Variants in SCP2 observed in about 807,000 individuals in gnomAD.
SCP2 encodes sterol carrier protein 2, also known as SCP-2/3-oxoacyl-CoA thiolase.
Under a neutral mutation model 71.4 loss-of-function variants are expected in SCP2, and 48 were observed. That is an observed-to-expected ratio of 0.67 (90% CI 0.53 to 0.86). The LOEUF (loss-of-function observed/expected upper bound fraction) is 0.86. Ranked by LOEUF, SCP2 falls within the 40% of genes least tolerant of loss-of-function variation. The probability of loss-of-function intolerance (pLI) is 0.00; values close to 1 mark genes in which losing one functional copy is unlikely to be tolerated. For missense variants in SCP2, 560 were observed against 655.6 expected (o/e 0.85, Z 1.59); for synonymous variants, 220 against 218.1 (o/e 1.01, Z -0.08).
At chr1:53,018,571 C>T (rs1411655640) in intron 12 of SCP2, among the ~76,000 whole-genome samples, 1 of 151,728 alleles carries the variant, frequency 6.6e-6, no homozygotes, top group Non-Finnish European at 1.5e-5. Flanking sequence ...GCGAAACCCC[C>T]TCTCTACTAA....
intron 13 of SCP2, among the ~76,000 whole-genome samples, chr1:53,035,704 T>TAGC (rs75854712): frequency 0.098 from 14,943 of 152,096 alleles, 1,451 homozygotes; most frequent in African/African-American, 0.22. Context: ...GGCACAGAAA[T>TAGC]AGCTAGATCA....
intron 6 of SCP2, among the ~76,000 whole-genome samples, chr1:52,967,619 C>G (rs967523170): frequency 1.3e-5 from 2 of 152,086 alleles, no homozygotes; most frequent in African/African-American, 4.8e-5. Context: ...TGGGATTGAA[C>G]AAAGGGGGAC....
At chr1:52,938,906 C>T (rs1253535704) in intron 1 of SCP2, among the ~76,000 whole-genome samples, 1 of 152,166 alleles carries the variant, frequency 6.6e-6, no homozygotes, top group Non-Finnish European at 1.5e-5. Context: ...TAGGATCATA[C>T]AGAATAGTTT....
At chr1:52,966,708 A>T (rs907815589) in intron 6 of SCP2, among the ~76,000 whole-genome samples, 2 of 148,978 alleles carry the variant, frequency 1.3e-5, no homozygotes, top group African/African-American at 5.0e-5. Context: ...ACATGGCGAA[A>T]CCCCATTTCT....
chr1:52,961,761 C>A, intron 6 of SCP2, 132 bp downstream of exon 6: 1 of 803,006 alleles, frequency 1.2e-6, no homozygotes, highest in Non-Finnish European at 2.0e-6. Flanking sequence ...TGAATTAAAT[C>A]GAAGTAATAG....
chr1:53,051,518 A>G lies in SCP2; in HGVS notation c.*814A>G, dbSNP rs1258632354. On this transcript the variant is annotated 3_prime_UTR_variant, in exon 16 of 16. Transcript: ENST00000371514. The stretch of plus-strand genomic sequence containing the variant: ...TATCTTTTTTCCTAGTTTTTCTAAT[A>G]CTAATGTTATTTCTTAAAATTCAGT... The G allele has an allele frequency of 1.3e-5, 2 of 152,164 alleles. No homozygotes were observed. The highest frequency in any genetic ancestry group is 2.9e-5 in the Non-Finnish European group (2 of 68,036). The allele number at this position is 152,164 out of a possible 1,614,324, so 9.4% of individuals were successfully genotyped here. A position where few individuals can be genotyped will look rare whatever the true frequency, so the allele number is the denominator to read the frequency against.
chr1:53,019,785 G>A (rs1661589539), intron 12 of SCP2, among the ~76,000 whole-genome samples: 1 of 152,164 alleles, frequency 6.6e-6, no homozygotes, highest in Admixed American at 6.5e-5. Context: ...TACTCATGTA[G>A]CCACCAGTTT....
At chr1:53,039,115 G>A (rs547303161) in intron 14 of SCP2, 69 bp downstream of exon 14, 1 of 1,579,374 alleles carries the variant, frequency 6.3e-7, no homozygotes, top group Non-Finnish European at 8.7e-7. Context: ...TGGGAAAATG[G>A]GGGTCTGCTT....
At chr1:52,962,698 G>C (rs1296247257) in intron 6 of SCP2, among the ~76,000 whole-genome samples, 2 of 151,922 alleles carry the variant, frequency 1.3e-5, no homozygotes, top group African/African-American at 4.8e-5. Flanking sequence ...TAGGGCCTTA[G>C]CTTCTACCCT....
chr1:53,047,559 C>T (rs1207859919), intron 14 of SCP2, among the ~76,000 whole-genome samples: 17 of 152,256 alleles, frequency 1.1e-4, no homozygotes, highest in East Asian at 1.9e-4. Context: ...GTAACATGAA[C>T]ATTTTTTCAT....
rs1664188081 is a variant in SCP2, at chr1:53,051,410, A to G, written c.*706A>G. On this transcript the variant is annotated 3_prime_UTR_variant, in exon 16 of 16. Coordinates refer to ENST00000371514, the MANE Select transcript of SCP2 (RefSeq NM_002979.5). Reference sequence around the variant, plus strand: ...AGTTTGCTTTCAGATGCAGTTTTCAAATTATAATCTCATTTCAATTTATAA... The same window carrying G: ...AGTTTGCTTTCAGATGCAGTTTTCAGATTATAATCTCATTTCAATTTATAA... 1 of 152,210 alleles carries G rather than the reference A, an allele frequency of 6.6e-6. No homozygotes were observed. Among genetic ancestry groups the G allele is most frequent in the Admixed American group, 6.5e-5 (1 of 15,278 alleles). 9.4% of individuals were successfully genotyped at this position (152,210 alleles called of 1,614,324 possible).
At chr1:52,946,117 CA>C (rs1380521640) in intron 2 of SCP2, among the ~76,000 whole-genome samples, 2 of 151,534 alleles carry the variant, frequency 1.3e-5, no homozygotes, top group Non-Finnish European at 2.9e-5. Context: ...TTGGTAGAGA[CA>C]GGGTTTTGCC....
intron 9 of SCP2, among the ~76,000 whole-genome samples, chr1:52,978,947 AAAG>A (rs1367900279): frequency 6.6e-6 from 1 of 152,190 alleles, no homozygotes; most frequent in Non-Finnish European, 1.5e-5. Context: ...AAAAAGTAAA[AAAG>A]ATGAAAATTC....
chr1:52,995,857 C>G, intron 11 of SCP2: 1 of 1,276,752 alleles, frequency 7.8e-7, no homozygotes, highest in Non-Finnish European at 1.1e-6. Context: ...CTGCCATGTT[C>G]CCCTGGAAGG....
chr1:53,037,950 TAC>T (rs67763248), intron 13 of SCP2, among the ~76,000 whole-genome samples: 24,871 of 119,738 alleles, frequency 0.21, 3,138 homozygotes, highest in Non-Finnish European at 0.28. Flanking sequence ...CCTGTCTCTA[TAC>T]ACACACACAC....
chr1:53,011,554 C>T (rs774903324), intron 11 of SCP2, among the ~76,000 whole-genome samples: 8 of 152,124 alleles, frequency 5.3e-5, no homozygotes, highest in Non-Finnish European at 1.2e-4. Flanking sequence ...AAAGGTTGAC[C>T]AACATCTTGT....
intron 6 of SCP2, among the ~76,000 whole-genome samples, chr1:52,971,192 G>T (rs1657462893): frequency 6.6e-6 from 1 of 151,984 alleles, no homozygotes; most frequent in African/African-American, 2.4e-5. Flanking sequence ...TAGCCAGGAT[G>T]GTCTCGATAT....
At chr1:52,943,893 C>A in intron 2 of SCP2, 1 of 443,548 alleles carries the variant, frequency 2.3e-6, no homozygotes, top group East Asian at 6.3e-5. Flanking sequence ...GATGCTTTAC[C>A]AGTGGTTCAT....
At chr1:52,970,891 T>C (rs12749112) in intron 6 of SCP2, among the ~76,000 whole-genome samples, 3,530 of 151,590 alleles carry the variant, frequency 0.023, 61 homozygotes, top group Non-Finnish European at 0.035. Context: ...TTTCTAGTTA[T>C]GCTGAGAGTA....
Sources: gnomAD v4.1 joint callset for allele counts (sites outside exome capture counted in the v4.1 genomes callset) on GRCh38, gnomAD v4.1.1 for gene constraint, MANE v1.5 for transcripts, NCBI Gene and HGNC (gene_info 2026-07-23, HGNC 2026-07-21) for gene names.